DCHS2: variants seen among roughly 807,000 people sequenced by gnomAD.
DCHS2 encodes protocadherin-23.
DCHS2 carries 142 observed loss-of-function variants against 182.4 expected under a neutral mutation model. The observed-to-expected ratio is 0.78, with a 90% CI of 0.68 to 0.89. DCHS2 has a LOEUF of 0.89. Ranked by LOEUF, DCHS2 falls within the 40% of genes least tolerant of loss-of-function variation. The probability of loss-of-function intolerance (pLI) is 0.00; values close to 1 mark genes in which losing one functional copy is unlikely to be tolerated. For missense variants in DCHS2, 4,319 were observed against 4,198.6 expected (o/e 1.03, Z -0.79); for synonymous variants, 1,740 against 1,663.3 (o/e 1.05, Z -1.12).
At position 154,377,340 on chromosome 4, in the gene DCHS2, A is replaced by G. The variant is rs925513930; in HGVS notation, c.2157T>C (p.Pro719=). Reference sequence around the variant, plus strand: ...GAGAAACACAGATTTGCCCATCATGAGGGTCGATCCGGAATGCCTGAGGTG... The same window carrying G: ...GAGAAACACAGATTTGCCCATCATGGGGGTCGATCCGGAATGCCTGAGGTG... ...YEAPQAFRID[P]HDGQICVSQD... is the part of the protein sequence containing the mutation. The change falls in exon 2 of 20, where the codon CCT becomes CCC. Residue 719 remains proline, a synonymous_variant. Transcript: ENST00000357232. 1.2e-6 allele frequency: 2 copies of G among 1,613,704 alleles called. No homozygotes were observed. The highest frequency in any genetic ancestry group is 3.3e-5 in the Admixed American group (2 of 59,986).
intron 1 of DCHS2, among the ~76,000 whole-genome samples, chr4:154,389,840 A>G (rs1387169461): frequency 6.6e-6 from 1 of 152,028 alleles, no homozygotes; most frequent in Non-Finnish European, 1.5e-5. Flanking sequence ...TTAGAGGAAT[A>G]GAGTGTCTGC....
intron 1 of DCHS2, among the ~76,000 whole-genome samples, chr4:154,473,249 G>C (rs1424204939): frequency 2.0e-5 from 3 of 152,182 alleles, no homozygotes; most frequent in Admixed American, 1.3e-4. Flanking sequence ...CCACAACTCT[G>C]GGCTCAGTGC....
At chr4:154,449,929 C>A (rs1401981699) in intron 1 of DCHS2, among the ~76,000 whole-genome samples, 1 of 152,212 alleles carries the variant, frequency 6.6e-6, no homozygotes, top group Non-Finnish European at 1.5e-5. Context: ...CACATCCTTT[C>A]CTCCTTCCAC....
chr4:154,435,110 G>A (rs761651640), intron 1 of DCHS2, among the ~76,000 whole-genome samples: 10 of 152,106 alleles, frequency 6.6e-5, no homozygotes, highest in Non-Finnish European at 8.8e-5. Flanking sequence ...GGAAATATAC[G>A]AGGTTAACAA....
At position 154,402,181 on chromosome 4, in the gene DCHS2, T is replaced by G. The variant is rs138073295; in HGVS notation, c.2053-24737A>C. Among the ~76,000 whole-genome samples the G allele has an allele frequency of 1.6e-4, 24 of 152,316 alleles. No individual in the cohort carries two copies. In the East Asian group the frequency reaches 4.0e-3, roughly 26 times the overall value. ...TTACCACTAAATTGCCCTGGTACCC[T>G]TGTCAAAACTCAATGTGAGGATATC... On this transcript the variant is annotated intron_variant, in intron 1 of 19. Coordinates refer to ENST00000357232, the MANE Select transcript of DCHS2 (RefSeq NM_001358235.2).
intron 3 of DCHS2, among the ~76,000 whole-genome samples, chr4:154,337,744 A>ATTC (rs1380536747): frequency 6.6e-6 from 1 of 151,424 alleles, no homozygotes; most frequent in Admixed American, 6.6e-5. Context: ...TATTATTATT[A>ATTC]TTATTATTAT....
At chr4:154,378,730 T>G (rs1027911300) in intron 1 of DCHS2, among the ~76,000 whole-genome samples, 1 of 152,170 alleles carries the variant, frequency 6.6e-6, no homozygotes, top group Non-Finnish European at 1.5e-5. Flanking sequence ...GTGTCAAAAC[T>G]GAAATTCTTA....
At chr4:154,322,988 T>C (rs1232600908) in intron 7 of DCHS2, 2 of 478,244 alleles carry the variant, frequency 4.2e-6, no homozygotes, top group South Asian at 4.2e-5. Context: ...CCATAAATAC[T>C]CTTTATTTTT....
In DCHS2 at chr4:154,489,613, G is replaced by T. The variant is rs890789050; in HGVS notation, c.1743C>A (p.Val581=). ...CGAGATTGCAGGGAGCCGAGAGTTG[G>T]ACTACAGTGTAGCGCAGCCAGGCGT... ...SDHAWLRYTV[V]QLSAPCNLGS... is the part of the protein sequence containing the mutation. Residue 581 remains valine, a synonymous_variant, in exon 1 of 20, where the codon GTC becomes GTA. Coordinates refer to ENST00000357232, the MANE Select transcript of DCHS2 (RefSeq NM_001358235.2). The T allele has an allele frequency of 1.3e-6, 2 of 1,550,956 alleles. No individual in the cohort carries two copies. Among genetic ancestry groups the T allele is most frequent in the South Asian group, 2.4e-5 (2 of 84,042 alleles).
chr4:154,344,806 G>A (rs1411745443), intron 3 of DCHS2, among the ~76,000 whole-genome samples: 1 of 152,194 alleles, frequency 6.6e-6, no homozygotes, highest in African/African-American at 2.4e-5. Context: ...CAGAGGATTA[G>A]TGCAGAGCTA....
At chr4:154,411,455 G>T (rs759852858) in intron 1 of DCHS2, among the ~76,000 whole-genome samples, 4 of 152,076 alleles carry the variant, frequency 2.6e-5, no homozygotes, top group Non-Finnish European at 5.9e-5. Flanking sequence ...AAATTAGCCA[G>T]GTGTGGTGGC....
intron 1 of DCHS2, among the ~76,000 whole-genome samples, chr4:154,410,574 CAAAAAAAAA>C (rs1160670540): frequency 2.8e-5 from 1 of 35,364 alleles, no homozygotes; most frequent in Non-Finnish European, 5.2e-5. Context: ...GACTCCATCT[CAAAAAAAAA>C]AAAAAAAAAA....
intron 3 of DCHS2, chr4:154,357,207 G>T: frequency 6.4e-7 from 1 of 1,563,980 alleles, no homozygotes; most frequent in Non-Finnish European, 8.8e-7. Context: ...TTTGGAGAAG[G>T]CTAACCTCTA....
At chr4:154,372,484 T>A (rs1730688068) in intron 2 of DCHS2, among the ~76,000 whole-genome samples, 1 of 152,154 alleles carries the variant, frequency 6.6e-6, no homozygotes, top group Non-Finnish European at 1.5e-5. Context: ...AATCCTCCCT[T>A]AAACCTTCAG....
intron 1 of DCHS2, among the ~76,000 whole-genome samples, chr4:154,437,582 CT>C (rs1733833452): frequency 6.6e-6 from 1 of 152,106 alleles, no homozygotes; most frequent in African/African-American, 2.4e-5. Context: ...GAGGGGAAAT[CT>C]TTTAGAATCT....
chr4:154,368,190 C>T (rs1257418605), intron 2 of DCHS2, among the ~76,000 whole-genome samples: 1 of 152,100 alleles, frequency 6.6e-6, no homozygotes, highest in East Asian at 1.9e-4. Flanking sequence ...TCTCCAGGTT[C>T]GACGTAGTAA....
At chr4:154,282,023 T>A (rs1159450091) in intron 13 of DCHS2, among the ~76,000 whole-genome samples, 1 of 152,060 alleles carries the variant, frequency 6.6e-6, no homozygotes, top group Non-Finnish European at 1.5e-5. Context: ...TCTACAAAGA[T>A]CCACTCAGAA....
intron 1 of DCHS2, among the ~76,000 whole-genome samples, chr4:154,428,864 C>T (rs138173218): frequency 7.8e-4 from 119 of 152,056 alleles, no homozygotes; most frequent in Middle Eastern, 3.4e-3. Context: ...GATCGCACCA[C>T]TGCACTTCAG....
intron 1 of DCHS2, among the ~76,000 whole-genome samples, chr4:154,455,382 T>C (rs145998941): frequency 1.3e-3 from 193 of 152,346 alleles, no homozygotes; most frequent in African/African-American, 4.4e-3. Context: ...GAGATGGGAA[T>C]GGAAAAATTA....
Sources: allele counts gnomAD v4.1 joint callset (sites outside exome capture counted in the v4.1 genomes callset), GRCh38; gene constraint gnomAD v4.1.1; transcripts MANE v1.5; gene names NCBI Gene and HGNC (gene_info 2026-07-23, HGNC 2026-07-21).